The following PRKCA variants were observed in gnomAD, a reference collection of about 807,000 sequenced individuals.
PRKCA encodes the protein protein kinase C alpha type.
A neutral mutation model predicts 87.0 loss-of-function variants in PRKCA; 27 were observed. That is an observed-to-expected ratio of 0.31 (90% CI 0.23 to 0.43). The LOEUF is 0.43. PRKCA is among the 20% of genes least tolerant of loss of function. The probability of loss-of-function intolerance (pLI) is 1.00; values close to 1 mark genes in which losing one functional copy is unlikely to be tolerated. For missense variants in PRKCA, 518 were observed against 852.3 expected (o/e 0.61, Z 4.88); for synonymous variants, 329 against 311.1 (o/e 1.06, Z -0.61).
intron 2 of PRKCA, among the ~76,000 whole-genome samples, chr17:66,446,048 A>G (rs1338620874): frequency 6.6e-6 from 1 of 152,098 alleles, no homozygotes; most frequent in East Asian, 1.9e-4. Context: ...TCCTGAGCTC[A>G]AGTGATCCGT....
intron 3 of PRKCA, among the ~76,000 whole-genome samples, chr17:66,539,350 T>G (rs1309419849): frequency 3.9e-5 from 6 of 152,308 alleles, no homozygotes; most frequent in African/African-American, 1.4e-4. Context: ...TATTCTTACG[T>G]TTCCCTTTTG....
At chr17:66,452,617 C>T (rs1914380078) in intron 2 of PRKCA, among the ~76,000 whole-genome samples, 1 of 152,088 alleles carries the variant, frequency 6.6e-6, no homozygotes, top group African/African-American at 2.4e-5. Context: ...GGCCTCTGCA[C>T]CTGTGATGAA....
intron 2 of PRKCA, among the ~76,000 whole-genome samples, chr17:66,332,477 G>T (rs117399893): frequency 2.0e-4 from 31 of 151,690 alleles, no homozygotes; most frequent in South Asian, 6.3e-4. Flanking sequence ...ATCCCCCTGC[G>T]TCAGCCTCCC....
At chr17:66,367,424 TGA>T (rs574748674) in intron 2 of PRKCA, among the ~76,000 whole-genome samples, 58 of 152,042 alleles carry the variant, frequency 3.8e-4, no homozygotes, top group Non-Finnish European at 7.5e-4. Flanking sequence ...GTGACAGAGG[TGA>T]GAGAGGTATC....
chr17:66,747,007 C>T (rs534153442), intron 13 of PRKCA, among the ~76,000 whole-genome samples: 36 of 152,176 alleles, frequency 2.4e-4, no homozygotes, highest in South Asian at 4.2e-4. Context: ...GCCTGTGTCC[C>T]GAGAACCCCC....
At chr17:66,765,455 T>TATATATATATATATA (rs1974790127) in intron 13 of PRKCA, among the ~76,000 whole-genome samples, 1 of 97,778 alleles carries the variant, frequency 1.0e-5, no homozygotes, top group African/African-American at 3.8e-5. Flanking sequence ...TATATATATA[T>TATATATATATATATA]CCATATATAT....
chr17:66,734,921 A>G (rs1973989121), intron 9 of PRKCA, among the ~76,000 whole-genome samples: 1 of 152,232 alleles, frequency 6.6e-6, no homozygotes. Context: ...CTCAGTGTTC[A>G]GAACAGAAGG....
chr17:66,777,493 G>A (rs1170416774), intron 14 of PRKCA: 2 of 970,380 alleles, frequency 2.1e-6, no homozygotes, highest in African/African-American at 1.9e-5. Flanking sequence ...CAGAAAGGCA[G>A]TTCGTACACA....
rs1045791402 is a variant in PRKCA, at chr17:66,778,191, C to T, written c.1605+4124C>T. 1.8e-5 allele frequency: 18 copies of T among 985,334 alleles called. No homozygotes were observed. In the Admixed American group the frequency reaches 9.2e-4, roughly 50 times the overall value. 61.0% of individuals were successfully genotyped at this position (985,334 alleles called of 1,614,324 possible). A position where few individuals can be genotyped will look rare whatever the true frequency, so the allele number is the denominator to read the frequency against. The stretch of plus-strand genomic sequence containing the variant: ...AGAGCCACTTAGCCTGCCTTATATG[C>T]ATACTTTCAGGTCTCCATCATCTCT... On this transcript the variant is annotated intron_variant, in intron 14 of 16. Transcript: ENST00000413366.
intron 4 of PRKCA, among the ~76,000 whole-genome samples, chr17:66,642,273 G>A (rs1261397945): frequency 1.3e-5 from 2 of 151,914 alleles, no homozygotes; most frequent in Non-Finnish European, 1.5e-5. Context: ...GGGACTACAG[G>A]CCCCCACCAC....
At chr17:66,783,568 C>T (rs559809925) in intron 14 of PRKCA, among the ~76,000 whole-genome samples, 3 of 152,290 alleles carry the variant, frequency 2.0e-5, no homozygotes, top group Non-Finnish European at 4.4e-5. Context: ...GGTTCCCATG[C>T]CAGGAGACAA....
At chr17:66,370,549 CTT>C (rs555797425) in intron 2 of PRKCA, among the ~76,000 whole-genome samples, 13 of 113,668 alleles carry the variant, frequency 1.1e-4, no homozygotes, top group Non-Finnish European at 1.5e-4. Flanking sequence ...CTTTTCTTTT[CTT>C]TTTTTTTTTT....
At chr17:66,579,795 C>T (rs1012196345) in intron 3 of PRKCA, among the ~76,000 whole-genome samples, 3 of 152,038 alleles carry the variant, frequency 2.0e-5, no homozygotes, top group Non-Finnish European at 4.4e-5. Context: ...TTTATGTGAT[C>T]AGACTTGGTT....
At position 66,686,503 on chromosome 17, in the gene PRKCA, G is replaced by A. The variant is rs573733041; in HGVS notation, c.530-608G>A. ...CTGCTGCCCAGTAGAATCACCCAAGGAGCTTTTAAAAACGAATACTTGAGC... is the reference window on the plus strand; with the variant it reads ...CTGCTGCCCAGTAGAATCACCCAAGAAGCTTTTAAAAACGAATACTTGAGC... On this transcript the variant is annotated intron_variant, in intron 5 of 16. Transcript: ENST00000413366. 2.6e-5 allele frequency among the ~76,000 whole-genome samples: 4 copies of A among 152,250 alleles called. No individual in the cohort carries two copies. In the South Asian group the frequency reaches 8.3e-4, roughly 32 times the overall value.
intron 3 of PRKCA, among the ~76,000 whole-genome samples, chr17:66,572,687 G>C (rs1219690790): frequency 2.0e-5 from 3 of 152,082 alleles, no homozygotes; most frequent in African/African-American, 7.2e-5. Context: ...TGTAGAGATG[G>C]GCTCTTGCCA....
At chr17:66,386,314 T>G (rs1309250624) in intron 2 of PRKCA, among the ~76,000 whole-genome samples, 1 of 152,178 alleles carries the variant, frequency 6.6e-6, no homozygotes, top group African/African-American at 2.4e-5. Context: ...GTGCCAAAAT[T>G]TATTTAAGCA....
intron 3 of PRKCA, among the ~76,000 whole-genome samples, chr17:66,606,526 C>T (rs1300515974): frequency 1.3e-5 from 2 of 152,138 alleles, no homozygotes; most frequent in Non-Finnish European, 2.9e-5. Context: ...AGAGAGCTTA[C>T]AGTAGAGGGA....
chr17:66,709,742 T>C (rs1300188502), intron 8 of PRKCA, among the ~76,000 whole-genome samples: 1 of 152,084 alleles, frequency 6.6e-6, no homozygotes, highest in Non-Finnish European at 1.5e-5. Context: ...AAGCAAACCC[T>C]GGTTGTGTGG....
At chr17:66,735,945 G>A (rs1204656195) in intron 10 of PRKCA, among the ~76,000 whole-genome samples, 2 of 133,562 alleles carry the variant, frequency 1.5e-5, no homozygotes, top group East Asian at 2.2e-4. Flanking sequence ...TTTTGAGACA[G>A]GATCTCACTC....
Sources: gnomAD v4.1 joint callset for allele counts (sites outside exome capture counted in the v4.1 genomes callset) on GRCh38, gnomAD v4.1.1 for gene constraint, MANE v1.5 for transcripts, NCBI Gene and HGNC (gene_info 2026-07-23, HGNC 2026-07-21) for gene names.